LATS1: variants seen among roughly 807,000 people sequenced by gnomAD.
The protein encoded by LATS1 is serine/threonine-protein kinase LATS1.
A neutral mutation model predicts 106.6 loss-of-function variants in LATS1; 25 were observed. The observed-to-expected ratio is 0.23, with a 90% confidence interval of 0.17 to 0.33. The LOEUF is 0.33. Ranked by LOEUF, LATS1 falls within the 10% of genes least tolerant of loss-of-function variation. The pLI is 1.00. For synonymous variants in LATS1, 465 were observed against 455.6 expected (o/e 1.02, Z -0.26); for missense variants, 1,040 against 1,382.6 (o/e 0.75, Z 3.93).
Position 149,659,626 on chromosome 6 carries a change from A to G in LATS1, c.*2103T>C. 4.4e-6 allele frequency: 1 copy of G among 229,676 alleles called. No individual in the cohort carries two copies. The highest frequency in any genetic ancestry group is 6.2e-5 in the East Asian group (1 of 16,086). The allele number at this position is 229,676 out of a possible 1,614,324, so 14.2% of individuals were successfully genotyped here. A position where few individuals can be genotyped will look rare whatever the true frequency, so the allele number is the denominator to read the frequency against. ...TCTACTGTATTGCACCTTAGTCCAA[A>G]AGTAAAACAACTAAATGAAAATTTA... On this transcript the variant is annotated 3_prime_UTR_variant, in exon 8 of 8. Coordinates refer to ENST00000543571, the MANE Select transcript of LATS1 (RefSeq NM_004690.4).
chr6:149,681,160 G>C (rs1350916238), intron 4 of LATS1, among the ~76,000 whole-genome samples: 1 of 152,080 alleles, frequency 6.6e-6, no homozygotes, highest in Non-Finnish European at 1.5e-5. Context: ...GAATACTTCA[G>C]TGTGACTCAT....
intron 1 of LATS1, among the ~76,000 whole-genome samples, chr6:149,715,197 T>C (rs761176531): frequency 6.6e-6 from 1 of 151,958 alleles, no homozygotes; most frequent in Non-Finnish European, 1.5e-5. Context: ...GCCTTACAAG[T>C]AGCTGGGACT....
At chr6:149,690,491 GTGTGAGCCA>G (rs909941475) in intron 3 of LATS1, among the ~76,000 whole-genome samples, 22 of 151,448 alleles carry the variant, frequency 1.5e-4, no homozygotes, top group African/African-American at 3.6e-4. Flanking sequence ...GGGATTACAG[GTGTGAGCCA>G]CTGTGCCCAG....
In LATS1 at chr6:149,703,701, T is replaced by TA. The variant is rs1021039494; in HGVS notation, c.-140-1436dup. On this transcript the variant is annotated intron_variant, in intron 1 of 7. Coordinates refer to ENST00000543571, the MANE Select transcript of LATS1 (RefSeq NM_004690.4). ...CAACATAGGGAGACCCTGTCTACATTAAAAAAAAAAATTACTTGTTCTGTT... is the reference window on the plus strand; with the variant it reads ...CAACATAGGGAGACCCTGTCTACATTAAAAAAAAAAAATTACTTGTTCTGTT... Among the ~76,000 whole-genome samples the TA allele has an allele frequency of 1.2e-3, 183 of 148,016 alleles. 1 individual carries two copies. The highest frequency in any genetic ancestry group is 4.5e-3 in the Admixed American group (67 of 14,862).
chr6:149,683,325 G>C lies in LATS1; in HGVS notation c.1764C>G (p.Pro588=). The C allele has an allele frequency of 6.2e-7, 1 of 1,614,054 alleles. No individual in the cohort carries two copies. Among genetic ancestry groups the C allele is most frequent in the Admixed American group, 1.7e-5 (1 of 60,004 alleles). ...AACTCTTTTCACTCTCATCTTCCTT[G>C]GGCAAGCTTGGCTGATCCTCTTTGC... ...KPSKEDQPSL[P]KEDESEKSYE... Residue 588 remains proline, a synonymous_variant, in exon 4 of 8, where the codon CCC becomes CCG. Coordinates refer to ENST00000543571, the MANE Select transcript of LATS1 (RefSeq NM_004690.4).
chr6:149,668,166 G>A (rs1306909188), intron 7 of LATS1, among the ~76,000 whole-genome samples: 4 of 152,156 alleles, frequency 2.6e-5, no homozygotes, highest in Non-Finnish European at 4.4e-5. Context: ...TGATCCACCT[G>A]CCTTGGCCTC....
Position 149,662,147 on chromosome 6 carries a change from G to A in LATS1, c.2975C>T (p.Pro992Leu). Reference sequence around the variant, plus strand: ...ACCATTCTTGCCTAAGCGATCTTCGGGTCCTCGGCAAAGTTTAATAATAAG... The same window carrying A: ...ACCATTCTTGCCTAAGCGATCTTCGAGTCCTCGGCAAAGTTTAATAATAAG... ...SDLIIKLCRGPEDRLGKNGAD... is the reference protein window; with the variant it reads ...SDLIIKLCRGLEDRLGKNGAD... Residue 992 changes from proline (P) to leucine (L), a missense_variant, in exon 8 of 8, where the codon CCC (proline) becomes CTC (leucine). Physicochemically the swap from Pro to Leu is moderately conservative, Grantham distance 98. Around this residue, in one of 7 missense-constraint regions of LATS1, gnomAD observed 113 missense variants for 146.3 expected, o/e 0.77. Coordinates refer to ENST00000543571, the MANE Select transcript of LATS1 (RefSeq NM_004690.4). 6.2e-7 allele frequency: 1 copy of A among 1,614,028 alleles called. No individual in the cohort carries two copies. The highest frequency in any genetic ancestry group is 1.1e-5 in the South Asian group (1 of 91,076).
intron 7 of LATS1, among the ~76,000 whole-genome samples, chr6:149,670,444 G>A (rs748488206): frequency 7.2e-5 from 11 of 151,940 alleles, no homozygotes; most frequent in Non-Finnish European, 1.0e-4. Context: ...AGCCAGGAGA[G>A]TGCTTCATGA....
chr6:149,662,248 T>C lies in LATS1; in HGVS notation c.2884-10A>G. 1.3e-6 allele frequency: 2 copies of C among 1,550,618 alleles called. No homozygotes were observed. Among genetic ancestry groups the C allele is most frequent in the South Asian group, 2.4e-5 (2 of 82,842 alleles). On this transcript the variant is annotated splice_polypyrimidine_tract_variant and intron_variant, in intron 7 of 7. Transcript: ENST00000543571. ...TTTGCCAGTTGATAACCTTTAAAGA[T>C]TTTTTAAAATTAGGGGGAAGAGATA...
In LATS1 at chr6:149,667,302, G is replaced by A. The variant is rs190351617; in HGVS notation, c.2884-5064C>T. Among the ~76,000 whole-genome samples the A allele has an allele frequency of 2.6e-4, 40 of 151,740 alleles. 1 individual carries two copies. Among genetic ancestry groups the A allele is most frequent in the East Asian group, 1.8e-3 (9 of 5,122 alleles). ...ATACAGAAAATTAGCTGGGTGTGGT[G>A]GTGTGCCTACAGTCCCAGCGACTCA... On this transcript the variant is annotated intron_variant, in intron 7 of 7. Coordinates refer to ENST00000543571, the MANE Select transcript of LATS1 (RefSeq NM_004690.4).
Position 149,683,647 on chromosome 6 carries a change from G to A in LATS1, c.1442C>T (p.Pro481Leu), listed in dbSNP as rs374824668. ...NRASHSANSQPSATTVTAITP... is the reference protein window; with the variant it reads ...NRASHSANSQLSATTVTAITP... ...AATTGCAGTGACTGTTGTAGCAGAA[G>A]GCTGAGAATTAGCAGAGTGACTTGC... The change falls in exon 4 of 8, where the codon CCT (proline) becomes CTT (leucine). Residue 481 changes from proline (P) to leucine (L), a missense_variant. Coordinates refer to ENST00000543571, the MANE Select transcript of LATS1 (RefSeq NM_004690.4). The A allele has an allele frequency of 1.2e-6, 2 of 1,614,034 alleles. No individual in the cohort carries two copies. The highest frequency in any genetic ancestry group is 1.7e-6 in the Non-Finnish European group (2 of 1,180,032).
intron 1 of LATS1, among the ~76,000 whole-genome samples, chr6:149,706,700 A>C (rs1442291171): frequency 1.3e-5 from 2 of 152,116 alleles, no homozygotes; most frequent in Admixed American, 6.6e-5. Context: ...ATTCACACAG[A>C]AAAAGGAAGG....
chr6:149,693,948 G>A (rs535247002), intron 3 of LATS1, among the ~76,000 whole-genome samples: 4 of 152,064 alleles, frequency 2.6e-5, no homozygotes, highest in East Asian at 1.9e-4. Context: ...AAAATTAGCC[G>A]GGCATAGTGG....
intron 4 of LATS1, 82 bp from the exon 5 acceptor site, chr6:149,680,539 C>G: frequency 1.0e-6 from 1 of 997,226 alleles, no homozygotes; most frequent in East Asian, 2.5e-5. Context: ...AAAATTCAGG[C>G]ATATATTTAA....
chr6:149,696,559 TAAAAAAAAAA>T (rs372769091), intron 2 of LATS1, among the ~76,000 whole-genome samples: 9 of 45,820 alleles, frequency 2.0e-4, no homozygotes, highest in African/African-American at 2.7e-4. Flanking sequence ...AACTCCGTCT[TAAAAAAAAAA>T]AAAAAAAAAA....
chr6:149,708,810 T>A (rs1783934451), intron 1 of LATS1, among the ~76,000 whole-genome samples: 1 of 152,154 alleles, frequency 6.6e-6, no homozygotes, highest in Admixed American at 6.5e-5. Flanking sequence ...GCCATTGATA[T>A]TTGGGGATTT....
intron 2 of LATS1, among the ~76,000 whole-genome samples, chr6:149,699,380 G>T (rs73779545): frequency 6.6e-6 from 1 of 151,982 alleles, no homozygotes; most frequent in African/African-American, 2.4e-5. Context: ...CTGCCTGGCC[G>T]CTGTGCAATC....
chr6:149,670,171 C>CAAAAAAAAAAAAAA (rs1177166262), intron 7 of LATS1, among the ~76,000 whole-genome samples: 4 of 31,648 alleles, frequency 1.3e-4, no homozygotes, highest in African/African-American at 1.7e-4. Flanking sequence ...AATTGCATCT[C>CAAAAAAAAAAAAAA]AAAAAAAAAA....
intron 5 of LATS1, 53 bp from the exon 6 acceptor site, chr6:149,676,790 G>T (rs1781750260): frequency 6.7e-7 from 1 of 1,494,632 alleles, no homozygotes; most frequent in Admixed American, 1.9e-5. Context: ...CAGTAAACCT[G>T]AAGTCTATTT....
Sources: gnomAD v4.1 joint callset for allele counts (sites outside exome capture counted in the v4.1 genomes callset) on GRCh38, gnomAD v4.1.1 for gene constraint, gnomAD v4.1.1 regional missense constraint, MANE v1.5 for transcripts, NCBI Gene and HGNC (gene_info 2026-07-23, HGNC 2026-07-21) for gene names.